The following DOCK1 variants were observed in gnomAD, a reference collection of about 807,000 sequenced individuals.
DOCK1 encodes dedicator of cytokinesis 1.
Under a neutral mutation model 262.7 loss-of-function variants are expected in DOCK1, and 138 were observed. That is an observed-to-expected ratio of 0.53 (90% CI 0.46 to 0.61). DOCK1 has a LOEUF of 0.61. Among genes scored for constraint, DOCK1 ranks in the 20% least tolerant of loss-of-function variants. The probability of loss-of-function intolerance (pLI) is 0.00; values close to 1 mark genes in which losing one functional copy is unlikely to be tolerated. For synonymous variants in DOCK1, 866 were observed against 867.4 expected (o/e 1.00, Z 0.03); for missense variants, 1,908 against 2,370.7 (o/e 0.80, Z 4.05).
intron 22 of DOCK1, among the ~76,000 whole-genome samples, chr10:127,059,421 C>A (rs568835934): frequency 6.6e-5 from 10 of 152,098 alleles, no homozygotes; most frequent in Non-Finnish European, 1.3e-4. Flanking sequence ...TTTCTCCTGG[C>A]ACTTCAATTA....
intron 29 of DOCK1, among the ~76,000 whole-genome samples, chr10:127,329,319 T>C (rs1052688721): frequency 6.6e-6 from 1 of 152,124 alleles, no homozygotes; most frequent in African/African-American, 2.4e-5. Flanking sequence ...TTAGTGATCA[T>C]AGGACAACAG....
chr10:126,972,953 C>T (rs1038512848), intron 2 of DOCK1, among the ~76,000 whole-genome samples: 2 of 151,566 alleles, frequency 1.3e-5, no homozygotes, highest in African/African-American at 4.8e-5. Context: ...TCCCTTATCT[C>T]CTCTCAGTAT....
chr10:127,313,375 A>T (rs1221124871), intron 29 of DOCK1, among the ~76,000 whole-genome samples: 4 of 152,212 alleles, frequency 2.6e-5, no homozygotes, highest in African/African-American at 9.6e-5. Flanking sequence ...GGGTAAATGG[A>T]CAATAGATAT....
At chr10:127,298,943 A>G (rs1046316077) in intron 29 of DOCK1, among the ~76,000 whole-genome samples, 2 of 152,168 alleles carry the variant, frequency 1.3e-5, no homozygotes, top group South Asian at 2.1e-4. Flanking sequence ...GAGATGGGAT[A>G]GAGTCAGCCA....
At chr10:127,109,345 T>C (rs994790768) in intron 24 of DOCK1, among the ~76,000 whole-genome samples, 8 of 152,260 alleles carry the variant, frequency 5.3e-5, no homozygotes, top group Non-Finnish European at 1.2e-4. Context: ...CATAGGTCTG[T>C]TAGCCTTTTG....
intron 3 of DOCK1, among the ~76,000 whole-genome samples, chr10:126,979,459 C>G (rs1160208144): frequency 6.6e-6 from 1 of 152,114 alleles, no homozygotes; most frequent in African/African-American, 2.4e-5. Context: ...CTAATATGCC[C>G]CTCCCCCATC....
chr10:126,999,565 A>G (rs1202056193), intron 9 of DOCK1, 130 bp downstream of exon 9: 6 of 676,384 alleles, frequency 8.9e-6, no homozygotes, highest in Non-Finnish European at 1.5e-5. Flanking sequence ...TTAATTTAGT[A>G]TTACTAAGTA....
chr10:126,911,943 A>G (rs564662529), intron 1 of DOCK1, among the ~76,000 whole-genome samples: 1 of 152,318 alleles, frequency 6.6e-6, no homozygotes, highest in African/African-American at 2.4e-5. Context: ...CTACCATAAC[A>G]AAGGACCACA....
intron 1 of DOCK1, among the ~76,000 whole-genome samples, chr10:126,926,023 T>C (rs2033688367): frequency 2.0e-5 from 3 of 152,042 alleles, no homozygotes; most frequent in Admixed American, 6.6e-5. Flanking sequence ...GCCCAGTTAG[T>C]TAACCGCTCT....
chr10:127,260,813 C>T (rs1276797229), intron 29 of DOCK1, among the ~76,000 whole-genome samples: 1 of 54,620 alleles, frequency 1.8e-5, no homozygotes, highest in African/African-American at 7.6e-5. Context: ...ATCTGTGTGT[C>T]CCTGCATGTG....
At position 126,933,658 on chromosome 10, in the gene DOCK1, G is replaced by A. The variant is rs1035375082; in HGVS notation, c.46+28095G>A. 1.0e-3 allele frequency among the ~76,000 whole-genome samples: 156 copies of A among 152,186 alleles called. 3 individuals are homozygous for A. The highest frequency in any genetic ancestry group is 9.4e-3 in the Admixed American group (144 of 15,280). On this transcript the variant is annotated intron_variant, in intron 1 of 51. Transcript: ENST00000623213. ...AGGAGGACATACATGCAGGGCAAAC[G>A]GGAGGTTCCGCCCCTGGAAATGATG... is the stretch of plus-strand genomic sequence containing the variant.
chr10:127,329,622 C>G (rs2062890450), intron 29 of DOCK1, among the ~76,000 whole-genome samples: 1 of 152,166 alleles, frequency 6.6e-6, no homozygotes, highest in Non-Finnish European at 1.5e-5. Context: ...TTTGCCCTCT[C>G]TCGCGGCCTC....
intron 29 of DOCK1, among the ~76,000 whole-genome samples, chr10:127,302,820 A>G (rs1016882313): frequency 5.9e-5 from 9 of 151,420 alleles, no homozygotes; most frequent in African/African-American, 2.2e-4. Flanking sequence ...GAAACACTTC[A>G]AAATGGGTGA....
intron 27 of DOCK1, chr10:127,153,763 A>G: frequency 9.8e-7 from 1 of 1,022,854 alleles, no homozygotes; most frequent in African/African-American, 1.6e-5. Context: ...GAATCATCCC[A>G]GCATGGCCCC....
chr10:127,431,387 C>T (rs2134629756), intron 47 of DOCK1, among the ~76,000 whole-genome samples: 1 of 152,330 alleles, frequency 6.6e-6, no homozygotes, highest in Middle Eastern at 3.4e-3. Context: ...CGGGAGTCAT[C>T]CTCCTGCCAA....
At chr10:127,056,038 C>T (rs565635631) in intron 22 of DOCK1, among the ~76,000 whole-genome samples, 10 of 152,266 alleles carry the variant, frequency 6.6e-5, no homozygotes, top group Admixed American at 4.6e-4. Context: ...AGAGTTGAGA[C>T]TGTTGAGGAC....
chr10:126,962,918 A>G (rs1049822494), intron 1 of DOCK1, among the ~76,000 whole-genome samples: 2 of 151,860 alleles, frequency 1.3e-5, no homozygotes, highest in East Asian at 3.9e-4. Context: ...TGATATAATA[A>G]TCCAACTTCA....
At chr10:127,142,494 T>G (rs1291987209) in intron 27 of DOCK1, among the ~76,000 whole-genome samples, 1 of 152,170 alleles carries the variant, frequency 6.6e-6, no homozygotes, top group African/African-American at 2.4e-5. Context: ...GAAAAAGTCC[T>G]GATTCTTGAG....
At chr10:127,328,538 G>A (rs1008447427) in intron 29 of DOCK1, among the ~76,000 whole-genome samples, 3 of 152,182 alleles carry the variant, frequency 2.0e-5, no homozygotes, top group Non-Finnish European at 2.9e-5. Context: ...GGTGGTGTTT[G>A]GTGATCAGAG....
Sources: gnomAD v4.1 joint callset for allele counts (sites outside exome capture counted in the v4.1 genomes callset) on GRCh38, gnomAD v4.1.1 for gene constraint, MANE v1.5 for transcripts, NCBI Gene and HGNC (gene_info 2026-07-23, HGNC 2026-07-21) for gene names.